The following KIF1A variants were observed in gnomAD, a reference collection of about 807,000 sequenced individuals.
The protein encoded by KIF1A is kinesin-like protein KIF1A.
Under a neutral mutation model 227.3 loss-of-function variants are expected in KIF1A, and 46 were observed. That is an observed-to-expected ratio of 0.20 (90% CI 0.16 to 0.26). The LOEUF (loss-of-function observed/expected upper bound fraction) is 0.26, where lower values mean the gene tolerates loss of function less well. KIF1A is among the 10% of genes least tolerant of loss of function. The pLI is 1.00. For missense variants in KIF1A, 1,683 were observed against 2,485.9 expected, an observed-to-expected ratio of 0.68 and a Z score of 6.87; for synonymous variants, 1,022 against 1,012.8, an observed-to-expected ratio of 1.01 and a Z score of -0.17.
At chr2:240,743,675 C>T (rs568115563) in intron 33 of KIF1A, among the ~76,000 whole-genome samples, 1 of 152,302 alleles carries the variant, frequency 6.6e-6, no homozygotes, top group East Asian at 1.9e-4. Flanking sequence ...GCTGGCAGCC[C>T]CTGCACACTG....
intron 2 of KIF1A, among the ~76,000 whole-genome samples, chr2:240,796,158 C>T (rs976431146): frequency 7.9e-5 from 12 of 152,178 alleles, no homozygotes; most frequent in African/African-American, 2.9e-4. Flanking sequence ...CACCCGGAGT[C>T]GAAGGTCACA....
In KIF1A at chr2:240,813,980, G is replaced by A. The variant is rs550817670; in HGVS notation, c.-61+6142C>T. Among the ~76,000 whole-genome samples the A allele has an allele frequency of 7.5e-4, 114 of 152,248 alleles. 2 individuals are homozygous for A. Among genetic ancestry groups the A allele is most frequent in the Admixed American group, 5.0e-3 (77 of 15,296 alleles). Reference sequence around the variant, plus strand: ...TATGAGACAGAACATTTAGAAACGTGAAGATTTTAGAGATGAAAAATGTAA... The same window carrying A: ...TATGAGACAGAACATTTAGAAACGTAAAGATTTTAGAGATGAAAAATGTAA... On this transcript the variant is annotated intron_variant, in intron 1 of 48. Coordinates refer to ENST00000498729, the MANE Select transcript of KIF1A (RefSeq NM_001244008.2).
intron 10 of KIF1A, among the ~76,000 whole-genome samples, chr2:240,781,266 T>C (rs1159379609): frequency 8.3e-4 from 2 of 2,396 alleles, no homozygotes; most frequent in Admixed American, 4.4e-3. Flanking sequence ...CACACACAGC[T>C]CCACACACAC....
intron 4 of KIF1A, 55 bp from the exon 5 acceptor site, chr2:240,787,371 C>T (rs2055076060): frequency 7.3e-6 from 11 of 1,512,640 alleles, no homozygotes; most frequent in Non-Finnish European, 1.0e-5. Flanking sequence ...TCCCTGGATC[C>T]CTGCCCCTTG....
chr2:240,769,589 C>A, intron 16 of KIF1A, 38 bp downstream of exon 16: 1 of 1,565,058 alleles, frequency 6.4e-7, no homozygotes, highest in South Asian at 1.1e-5. Flanking sequence ...TTGCTGGCTG[C>A]ACCCCTCCCC....
At position 240,719,762 on chromosome 2, in the gene KIF1A, G is replaced by A; in HGVS notation, c.5021+12C>T. On this transcript the variant is annotated intron_variant, in intron 46 of 48. Coordinates refer to ENST00000498729, the MANE Select transcript of KIF1A (RefSeq NM_001244008.2). ...AGCTGGTGGCGGTGCTTTCCAGGGA[G>A]GCCCCACACACCTGACTCGGATCTC... 6.5e-7 allele frequency: 1 copy of A among 1,546,708 alleles called. No individual in the cohort carries two copies. The highest frequency in any genetic ancestry group is 8.7e-7 in the Non-Finnish European group (1 of 1,145,034).
chr2:240,806,944 A>G (rs2057448667), intron 1 of KIF1A, among the ~76,000 whole-genome samples: 1 of 152,064 alleles, frequency 6.6e-6, no homozygotes, highest in Non-Finnish European at 1.5e-5. Context: ...ACACCCAAAG[A>G]ATATAAAGTC....
intron 38 of KIF1A, chr2:240,734,579 G>C (rs564353958): frequency 1.3e-4 from 59 of 462,078 alleles, no homozygotes; most frequent in Non-Finnish European, 2.3e-4. Flanking sequence ...GGAACAGGAG[G>C]ACAGGTGAGC....
intron 45 of KIF1A, 99 bp downstream of exon 45, chr2:240,720,812 ATTG>A (rs1311073711): frequency 1.4e-6 from 2 of 1,384,870 alleles, no homozygotes; most frequent in Non-Finnish European, 9.6e-7. Context: ...GCACTCGGCC[ATTG>A]GGGCCCCCTG....
At chr2:240,810,726 CA>C (rs777035119) in intron 1 of KIF1A, among the ~76,000 whole-genome samples, 11 of 152,194 alleles carry the variant, frequency 7.2e-5, no homozygotes, top group Non-Finnish European at 1.6e-4. Context: ...TCCACAGACT[CA>C]GGGCAGACGA....
chr2:240,773,353 G>T, intron 12 of KIF1A, 97 bp from the exon 13 acceptor site: 1 of 1,480,724 alleles, frequency 6.8e-7, no homozygotes, highest in Non-Finnish European at 9.2e-7. Flanking sequence ...CCAGCCTTTT[G>T]GGCTCAGCAG....
rs192870023 is a variant in KIF1A, at chr2:240,758,597, T to C, written c.2445-100A>G. On this transcript the variant is annotated intron_variant, in intron 25 of 48. Coordinates refer to ENST00000498729, the MANE Select transcript of KIF1A (RefSeq NM_001244008.2). This position sits in a 1 kb window ranked among gnomAD's most constrained non-coding sequence, Gnocchi z 5.2. ...GGGGACAGTGGGCTCAGCCTAGCTC[T>C]GGCCACCACATCCAGCTCAGGGTCA... 1 of 1,250,716 alleles carries C rather than the reference T, an allele frequency of 8.0e-7. No homozygotes were observed. Among genetic ancestry groups the C allele is most frequent in the East Asian group, 2.8e-5 (1 of 36,042 alleles). 77.5% of individuals were successfully genotyped at this position (1,250,716 alleles called of 1,614,324 possible).
intron 38 of KIF1A, among the ~76,000 whole-genome samples, chr2:240,732,894 A>T: frequency 1.3e-5 from 1 of 74,612 alleles, no homozygotes; most frequent in East Asian, 4.8e-4. Context: ...AGGGGGAATG[A>T]GGGAGGGATG....
rs755918696 is a variant in KIF1A, at chr2:240,719,240, G to A, written c.5022-42C>T. On this transcript the variant is annotated intron_variant, in intron 46 of 48. Coordinates refer to ENST00000498729, the MANE Select transcript of KIF1A (RefSeq NM_001244008.2). ...CTGCTCGCTGGGGCCCTCGGTGGGGGCAGCGACTGACTCGGGCACTCACCA... is the reference window on the plus strand; with the variant it reads ...CTGCTCGCTGGGGCCCTCGGTGGGGACAGCGACTGACTCGGGCACTCACCA... The A allele has an allele frequency of 8.9e-6, 14 of 1,571,192 alleles. No homozygotes were observed. The Admixed American group carries it at 1.5e-4, about 16-fold the overall frequency.
At position 240,726,798 on chromosome 2, in the gene KIF1A, G is replaced by A; in HGVS notation, c.4122+28C>T. On this transcript the variant is annotated intron_variant, in intron 39 of 48. Coordinates refer to ENST00000498729, the MANE Select transcript of KIF1A (RefSeq NM_001244008.2). The surrounding 1 kb of genome is among the most constrained non-coding windows in gnomAD (Gnocchi z 5.2). The stretch of plus-strand genomic sequence containing the variant: ...AAGCTTCAGGGGCTGAGTGGTTTTG[G>A]TGGAGTGCCCTGGCATAGGTGCCTT... 1 of 1,416,046 alleles carries A rather than the reference G, an allele frequency of 7.1e-7. No homozygotes were observed. The highest frequency in any genetic ancestry group is 9.9e-7 in the Non-Finnish European group (1 of 1,009,890). The allele number at this position is 1,416,046 out of a possible 1,614,324, so 87.7% of individuals were successfully genotyped here. A position where few individuals can be genotyped will look rare whatever the true frequency, so the allele number is the denominator to read the frequency against.
Position 240,745,487 on chromosome 2 carries a change from G to A in KIF1A, c.3405C>T (p.Ser1135=), listed in dbSNP as rs374858877. Residue 1135 remains serine, a synonymous_variant, in exon 32 of 49, where the codon TCC becomes TCT. Coordinates refer to ENST00000498729, the MANE Select transcript of KIF1A (RefSeq NM_001244008.2). ...TGCCTGTGTTCTTCAGGGGCTCTGT[G>A]GAGAAGGCCTCGTCGTGGCGGTGGA... The part of the protein sequence containing the change: ...NFIHRHDEAF[S]TEPLKNTGRG... 200 of 1,612,944 alleles carry A rather than the reference G, an allele frequency of 1.2e-4. No homozygotes were observed. Among genetic ancestry groups the A allele is most frequent in the Middle Eastern group, 3.3e-4 (2 of 6,048 alleles).
At chr2:240,769,082 C>A in intron 17 of KIF1A, 51 bp downstream of exon 17, 1 of 1,485,532 alleles carries the variant, frequency 6.7e-7, no homozygotes, top group Admixed American at 1.9e-5. Flanking sequence ...CAGCACCTCA[C>A]CTGGTCCTGT....
chr2:240,783,574 C>G (rs561492083), intron 8 of KIF1A, among the ~76,000 whole-genome samples, 165 bp downstream of exon 8: 115 of 152,192 alleles, frequency 7.6e-4, no homozygotes, highest in Non-Finnish European at 1.2e-3. Flanking sequence ...GGGCATGGCC[C>G]TCGGCTGCTG....
intron 1 of KIF1A, among the ~76,000 whole-genome samples, chr2:240,815,813 CT>C (rs1390426058): frequency 3.9e-5 from 6 of 152,212 alleles, no homozygotes; most frequent in African/African-American, 9.7e-5. Flanking sequence ...TCTCAGGAGC[CT>C]CAGTCTCCAT....
Sources: allele counts gnomAD v4.1 joint callset (sites outside exome capture counted in the v4.1 genomes callset), GRCh38; gene constraint gnomAD v4.1.1; non-coding constraint Gnocchi (gnomAD v3.1); transcripts MANE v1.5; gene names NCBI Gene and HGNC (gene_info 2026-07-23, HGNC 2026-07-21).